The following EYA4 variants were observed in gnomAD, a reference collection of about 807,000 sequenced individuals.
EYA4 encodes the protein protein phosphatase EYA4.
In EYA4, 31 loss-of-function variants were observed where a neutral mutation model predicts 87.9. The ratio of observed to expected loss-of-function variants is 0.35; its 90% confidence interval spans 0.27 to 0.48. The LOEUF (loss-of-function observed/expected upper bound fraction) is 0.48, where lower values mean the gene tolerates loss of function less well. EYA4 is among the 20% of genes least tolerant of loss of function. The pLI, the probability that EYA4 is intolerant of heterozygous loss-of-function variation, is 0.99. For synonymous variants in EYA4, 263 were observed against 270.6 expected (o/e 0.97, Z 0.28); for missense variants, 678 against 761.4 (o/e 0.89, Z 1.29).
At chr6:133,513,818 T>C (rs910773599) in intron 16 of EYA4, among the ~76,000 whole-genome samples, 1 of 152,154 alleles carries the variant, frequency 6.6e-6, no homozygotes, top group Non-Finnish European at 1.5e-5. Context: ...TTTATGTGCT[T>C]CTCTTTTTTT....
At chr6:133,468,463 G>A in intron 10 of EYA4, 103 bp from the exon 11 acceptor site, 1 of 935,290 alleles carries the variant, frequency 1.1e-6, no homozygotes, top group East Asian at 2.4e-5. Context: ...AAACAAATGG[G>A]GCTGAGTACT....
chr6:133,407,747 T>G (rs201386127), intron 3 of EYA4, among the ~76,000 whole-genome samples: 2 of 147,468 alleles, frequency 1.4e-5, no homozygotes, highest in Middle Eastern at 3.2e-3. Flanking sequence ...GAAAAAAAAA[T>G]AAAAGAAAAA....
At chr6:133,516,421 A>G (rs979775680) in intron 17 of EYA4, among the ~76,000 whole-genome samples, 1 of 152,140 alleles carries the variant, frequency 6.6e-6, no homozygotes, top group Admixed American at 6.6e-5. Flanking sequence ...CCATTAAGAA[A>G]AGATTAATGG....
intron 1 of EYA4, among the ~76,000 whole-genome samples, chr6:133,272,060 G>A (rs978921265): frequency 2.6e-5 from 4 of 152,266 alleles, no homozygotes; most frequent in African/African-American, 9.6e-5. Context: ...TCACACATCT[G>A]GGCATTTCTC....
At chr6:133,509,819 CCAAAACATTA>C (rs3836970) in intron 14 of EYA4, among the ~76,000 whole-genome samples, 26,987 of 151,972 alleles carry the variant, frequency 0.18, 2,888 homozygotes, top group South Asian at 0.32. Flanking sequence ...TTTGTTAAAG[CCAAAACATTA>C]CAGTGTTTTT....
At chr6:133,304,237 A>T (rs1779637034) in intron 2 of EYA4, among the ~76,000 whole-genome samples, 1 of 152,016 alleles carries the variant, frequency 6.6e-6, no homozygotes. Context: ...GGGGATACAT[A>T]CTCAATTACT....
intron 2 of EYA4, among the ~76,000 whole-genome samples, chr6:133,291,514 A>G (rs758061263): frequency 6.6e-6 from 1 of 152,246 alleles, no homozygotes; most frequent in African/African-American, 2.4e-5. Context: ...AACTACATAT[A>G]TAGGCCATAG....
chr6:133,348,624 A>G (rs1458671896), intron 2 of EYA4, among the ~76,000 whole-genome samples: 4 of 152,086 alleles, frequency 2.6e-5, no homozygotes, highest in African/African-American at 9.7e-5. Context: ...ATCTTTAAAT[A>G]CCATTTTTTA....
chr6:133,349,079 C>T (rs1443800649), intron 2 of EYA4, among the ~76,000 whole-genome samples: 1 of 152,198 alleles, frequency 6.6e-6, no homozygotes, highest in Non-Finnish European at 1.5e-5. Context: ...CAGACGTATG[C>T]ACCTGCCTCA....
At position 133,506,091 on chromosome 6, in the gene EYA4, A is replaced by G. The variant is rs779548027; in HGVS notation, c.1192-15A>G. ...ACTGAAATTTTACCTCATTATGTGT[A>G]CATTTTCTTTACAGGATCCCCCCAT... On this transcript the variant is annotated splice_polypyrimidine_tract_variant and intron_variant, in intron 13 of 19. Coordinates refer to ENST00000355286, the MANE Select transcript of EYA4 (RefSeq NM_004100.5). 1 of 1,513,308 alleles carries G rather than the reference A, an allele frequency of 6.6e-7. No individual in the cohort carries two copies. Among genetic ancestry groups the G allele is most frequent in the Admixed American group, 1.7e-5 (1 of 59,826 alleles). The allele number at this position is 1,513,308 out of a possible 1,614,324, so 93.7% of individuals were successfully genotyped here. A position where few individuals can be genotyped will look rare whatever the true frequency, so the allele number is the denominator to read the frequency against.
chr6:133,530,912 A>C lies in EYA4; in HGVS notation c.*2107A>C. On this transcript the variant is annotated 3_prime_UTR_variant, in exon 20 of 20. Coordinates refer to ENST00000355286, the MANE Select transcript of EYA4 (RefSeq NM_004100.5). ...TGAAAATAGCAGTTAAAAAAATTTA[A>C]ATGTTGCCTTGATTATCAGTACTTA... The C allele has an allele frequency of 1.8e-6, 2 of 1,114,472 alleles. No individual in the cohort carries two copies. The highest frequency in any genetic ancestry group is 2.2e-6 in the Non-Finnish European group (2 of 912,924). The allele number at this position is 1,114,472 out of a possible 1,614,324, so 69.0% of individuals were successfully genotyped here.
At chr6:133,467,511 G>A (rs1794954910) in intron 10 of EYA4, among the ~76,000 whole-genome samples, 1 of 152,070 alleles carries the variant, frequency 6.6e-6, no homozygotes, top group South Asian at 2.1e-4. Flanking sequence ...GTTTAAATAT[G>A]ATGAGGTTTT....
intron 13 of EYA4, among the ~76,000 whole-genome samples, chr6:133,495,792 A>G (rs73546808): frequency 0.12 from 17,910 of 148,782 alleles, 2,216 homozygotes; most frequent in African/African-American, 0.32. Context: ...TTCTGATTCA[A>G]GAGGTTTGAG....
intron 2 of EYA4, among the ~76,000 whole-genome samples, chr6:133,379,955 A>G (rs1437002083): frequency 6.6e-6 from 1 of 152,166 alleles, no homozygotes; most frequent in East Asian, 1.9e-4. Context: ...TTTACCGTAT[A>G]TAAGGGCTTC....
intron 1 of EYA4, among the ~76,000 whole-genome samples, chr6:133,254,671 A>G (rs76806924): frequency 2.6e-5 from 4 of 152,168 alleles, no homozygotes; most frequent in Admixed American, 2.0e-4. Flanking sequence ...AGTGCAGTAC[A>G]TGATTGCACT....
chr6:133,423,475 T>C (rs1790392169), intron 3 of EYA4, among the ~76,000 whole-genome samples: 1 of 152,250 alleles, frequency 6.6e-6, no homozygotes, highest in Non-Finnish European at 1.5e-5. Context: ...GATTTTGTAA[T>C]GTTTGCCAGC....
At chr6:133,450,995 G>A (rs1793385067) in intron 5 of EYA4, among the ~76,000 whole-genome samples, 1 of 152,280 alleles carries the variant, frequency 6.6e-6, no homozygotes, top group South Asian at 2.1e-4. Context: ...GAAATTGTTA[G>A]CACTTGTAAA....
intron 6 of EYA4, 37 bp downstream of exon 6, chr6:133,456,685 G>GAGCTAAA: frequency 7.9e-7 from 1 of 1,270,628 alleles, no homozygotes; most frequent in Non-Finnish European, 1.2e-6. Context: ...ACGTACACAT[G>GAGCTAAA]GGGGTGCATC....
At chr6:133,455,725 T>C (rs1007829608) in intron 5 of EYA4, among the ~76,000 whole-genome samples, 1 of 152,188 alleles carries the variant, frequency 6.6e-6, no homozygotes, top group South Asian at 2.1e-4. Context: ...GCTTAGTTTA[T>C]TTCCTTGCTG....
Sources: allele counts gnomAD v4.1 joint callset (sites outside exome capture counted in the v4.1 genomes callset), GRCh38; gene constraint gnomAD v4.1.1; transcripts MANE v1.5; gene names NCBI Gene and HGNC (gene_info 2026-07-23, HGNC 2026-07-21).